The following MYT1L variants were observed in gnomAD, a reference collection of about 807,000 sequenced individuals.
MYT1L encodes the protein myelin transcription factor 1 like.
In MYT1L, 12 loss-of-function variants were observed where a neutral mutation model predicts 126.7. That is an observed-to-expected ratio of 0.09 (90% CI 0.06 to 0.15). The LOEUF is 0.15. Ranked by LOEUF, MYT1L falls within the 10% of genes least tolerant of loss-of-function variation. The probability of loss-of-function intolerance (pLI) is 1.00; values close to 1 mark genes in which losing one functional copy is unlikely to be tolerated. For synonymous variants in MYT1L, 541 were observed against 604.2 expected (o/e 0.90, Z 1.53); for missense variants, 979 against 1,585.2 (o/e 0.62, Z 6.49).
At chr2:2,003,942 A>AGGC (rs2062689600) in intron 4 of MYT1L, among the ~76,000 whole-genome samples, 1 of 148,848 alleles carries the variant, frequency 6.7e-6, no homozygotes. Context: ...TTCCTGCATG[A>AGGC]GTTCTTTCCT....
In MYT1L at chr2:1,923,043, G is replaced by A; in HGVS notation, c.726C>T (p.Asn242=). Residue 242 remains asparagine (N), a synonymous_variant, in exon 10 of 25, where the codon AAC becomes AAT. Transcript: ENST00000647738. ...SLEDDSDKNE[N]LGRKSELSLD... ...AACTCAACTCACTTTTCCGACCCAG[G>A]TTTTCGTTTTTGTCACTATCGTCTT... 2 of 1,613,966 alleles carry A rather than the reference G, an allele frequency of 1.2e-6. No homozygotes were observed. Among genetic ancestry groups the A allele is most frequent in the East Asian group, 4.5e-5 (2 of 44,872 alleles).
chr2:1,893,006 C>T (rs1258476846), intron 14 of MYT1L, among the ~76,000 whole-genome samples: 1 of 152,178 alleles, frequency 6.6e-6, no homozygotes, highest in Non-Finnish European at 1.5e-5. Flanking sequence ...TGAGTGGCCA[C>T]TTGGTGGTGG....
At chr2:1,934,709 C>T (rs1161153003) in intron 9 of MYT1L, among the ~76,000 whole-genome samples, 2 of 148,612 alleles carry the variant, frequency 1.3e-5, no homozygotes, top group South Asian at 4.3e-4. Flanking sequence ...CTTCCCCCTA[C>T]CCCCTGTCTC....
rs548554755 is a variant in MYT1L, at chr2:1,868,052, C to T, written c.2712-16349G>A. 7.4e-4 allele frequency among the ~76,000 whole-genome samples: 112 copies of T among 152,132 alleles called. No homozygotes were observed. The South Asian group carries it at 0.015, about 21-fold the overall frequency. On this transcript the variant is annotated intron_variant, in intron 18 of 24. Transcript: ENST00000647738. ...CGTGATCTTGGCTCACTGCTACCTC[C>T]GCCTCCTGGGTTCAGGTGATTCCCC...
At chr2:2,150,912 A>AGGCG (rs2085670250) in intron 3 of MYT1L, among the ~76,000 whole-genome samples, 2 of 95,494 alleles carry the variant, frequency 2.1e-5, no homozygotes, top group African/African-American at 9.3e-5. Context: ...GGAGGGAGGG[A>AGGCG]GACGGAGGGA....
chr2:2,146,490 C>T (rs1223751435), intron 3 of MYT1L, among the ~76,000 whole-genome samples: 1 of 152,194 alleles, frequency 6.6e-6, no homozygotes, highest in East Asian at 1.9e-4. Flanking sequence ...TCCTGCCTCC[C>T]TTCCTGGGCT....
At chr2:2,186,859 T>G (rs1381810829) in intron 2 of MYT1L, among the ~76,000 whole-genome samples, 2 of 152,238 alleles carry the variant, frequency 1.3e-5, no homozygotes, top group Non-Finnish European at 2.9e-5. Flanking sequence ...ATTTATAATG[T>G]AACCTAATCT....
At chr2:2,287,117 G>C (rs928376820) in intron 1 of MYT1L, among the ~76,000 whole-genome samples, 1 of 152,134 alleles carries the variant, frequency 6.6e-6, no homozygotes, top group African/African-American at 2.4e-5. Context: ...TTAGCCAGGC[G>C]TGGTGGTGCA....
chr2:2,032,174 G>C (rs1373346286), intron 4 of MYT1L, among the ~76,000 whole-genome samples: 1 of 94,850 alleles, frequency 1.1e-5, no homozygotes, highest in African/African-American at 5.0e-5. Flanking sequence ...CGTTGCCAGT[G>C]CCTCTCATCC....
chr2:1,925,643 GA>G (rs2054133252), intron 9 of MYT1L, among the ~76,000 whole-genome samples: 1 of 152,138 alleles, frequency 6.6e-6, no homozygotes, highest in African/African-American at 2.4e-5. Context: ...AGCAGCCAAG[GA>G]GAAAGTCCCT....
chr2:2,023,623 GTT>G (rs148916846), intron 4 of MYT1L, among the ~76,000 whole-genome samples: 1 of 144,656 alleles, frequency 6.9e-6, no homozygotes. Flanking sequence ...GGCTTTTGCT[GTT>G]TTTTTTTTTT....
At chr2:1,994,085 T>G (rs1166439109) in intron 5 of MYT1L, among the ~76,000 whole-genome samples, 3 of 152,264 alleles carry the variant, frequency 2.0e-5, no homozygotes, top group Non-Finnish European at 2.9e-5. Flanking sequence ...TCTATTTTGC[T>G]CATGGTATTT....
chr2:1,920,923 G>T (rs973464623), intron 10 of MYT1L, among the ~76,000 whole-genome samples: 4 of 152,198 alleles, frequency 2.6e-5, no homozygotes, highest in Non-Finnish European at 4.4e-5. Flanking sequence ...CGACTGAAAC[G>T]CTGTCTGTGC....
At chr2:2,187,477 C>A (rs890059952) in intron 2 of MYT1L, among the ~76,000 whole-genome samples, 1 of 151,860 alleles carries the variant, frequency 6.6e-6, no homozygotes, top group Non-Finnish European at 1.5e-5. Flanking sequence ...ATGTTATTAC[C>A]CAGCTTAGTT....
chr2:2,308,004 G>A (rs544317622), intron 1 of MYT1L, among the ~76,000 whole-genome samples: 8 of 149,468 alleles, frequency 5.4e-5, no homozygotes, highest in South Asian at 2.1e-4. Flanking sequence ...CTCCACCTAC[G>A]CTTCAGTACA....
At chr2:1,964,939 G>T (rs1490280772) in intron 8 of MYT1L, among the ~76,000 whole-genome samples, 1 of 152,230 alleles carries the variant, frequency 6.6e-6, no homozygotes, top group East Asian at 1.9e-4. Flanking sequence ...GCCACAAGCA[G>T]CACTCACCAA....
At chr2:2,133,323 C>CT (rs2082628336) in intron 3 of MYT1L, among the ~76,000 whole-genome samples, 1 of 152,056 alleles carries the variant, frequency 6.6e-6, no homozygotes, top group African/African-American at 2.4e-5. Flanking sequence ...TAGGGACACA[C>CT]GGAACAAGGC....
intron 2 of MYT1L, among the ~76,000 whole-genome samples, chr2:2,175,985 C>T (rs942345978): frequency 3.9e-5 from 6 of 152,196 alleles, no homozygotes; most frequent in Admixed American, 6.5e-5. Context: ...ATTAGCCTTT[C>T]CTGGCTGAAT....
At chr2:1,911,828 G>A (rs2052032104) in intron 12 of MYT1L, among the ~76,000 whole-genome samples, 192 bp downstream of exon 12, 1 of 152,192 alleles carries the variant, frequency 6.6e-6, no homozygotes, top group Non-Finnish European at 1.5e-5. Flanking sequence ...AGGTGGGTGG[G>A]GCAACTAAAA....
Sources: allele counts gnomAD v4.1 joint callset (sites outside exome capture counted in the v4.1 genomes callset), GRCh38; gene constraint gnomAD v4.1.1; transcripts MANE v1.5; gene names NCBI Gene and HGNC (gene_info 2026-07-23, HGNC 2026-07-21).